The following OPHN1 variants were observed in gnomAD, a reference collection of about 807,000 sequenced individuals.
OPHN1 encodes the protein oligophrenin 1.
In OPHN1, 11 loss-of-function variants were observed where a neutral mutation model predicts 60.7. The observed-to-expected ratio is 0.18, with a 90% CI of 0.11 to 0.30. The LOEUF is 0.30. Among genes scored for constraint, OPHN1 ranks in the 10% least tolerant of loss-of-function variants. OPHN1 has a pLI of 1.00. For synonymous variants in OPHN1, 226 were observed against 222.6 expected, an observed-to-expected ratio of 1.02 and a Z score of -0.14; for missense variants, 449 against 611.0, an observed-to-expected ratio of 0.73 and a Z score of 2.80.
At chrX:68,117,635 GGA>G (rs1483270470) in intron 16 of OPHN1, among the ~76,000 whole-genome samples, 5 of 111,853 alleles carry the variant, frequency 4.5e-5, no homozygotes, top group Non-Finnish European at 9.4e-5. Flanking sequence ...TAAAAATAGG[GGA>G]GAGAGAAGGG....
At chrX:68,373,714 A>T (rs1324190456) in intron 2 of OPHN1, among the ~76,000 whole-genome samples, 1 of 112,046 alleles carries the variant, frequency 8.9e-6, no homozygotes, top group Non-Finnish European at 1.9e-5. Context: ...GAATACTAAT[A>T]ATAACTGTTT....
At position 68,271,062 on chromosome X, in the gene OPHN1, A is replaced by T. The variant is rs149414964; in HGVS notation, c.384+3676T>A. Among the ~76,000 whole-genome samples the T allele has an allele frequency of 3.2e-3, 361 of 111,758 alleles. 2 individuals carry two copies. Among genetic ancestry groups the T allele is most frequent in the African/African-American group, 0.011 (346 of 30,826 alleles). On this transcript the variant is annotated intron_variant, in intron 5 of 24. Coordinates refer to ENST00000355520, the MANE Select transcript of OPHN1 (RefSeq NM_002547.3). ...ATATAGCACCTATCACAACCAGTGA[A>T]CTCACAAAGCCAGCTAGCAGCAGTG...
At chrX:68,207,711 C>G (rs146093435) in intron 9 of OPHN1, among the ~76,000 whole-genome samples, 2,511 of 111,497 alleles carry the variant, frequency 0.023, 87 homozygotes, top group African/African-American at 0.078. Flanking sequence ...TCAAAACTTA[C>G]CTTTCTAGCT....
At chrX:68,157,940 CTTTTCTTTT>C (rs1038029331) in intron 15 of OPHN1, among the ~76,000 whole-genome samples, 7 of 111,931 alleles carry the variant, frequency 6.3e-5, no homozygotes, top group South Asian at 3.8e-4. Context: ...GTGCTATTTT[CTTTTCTTTT>C]TTTTCTTTTT....
At chrX:68,144,318 C>A (rs750893701) in intron 15 of OPHN1, among the ~76,000 whole-genome samples, 12 of 111,150 alleles carry the variant, frequency 1.1e-4, no homozygotes, top group African/African-American at 3.9e-4. Context: ...ACCACGATTT[C>A]CTTTTTAATC....
rs2078508718 is a variant in OPHN1 at position 68,368,119 on chromosome X, C to T, written c.154+64748G>A. On this transcript the variant is annotated intron_variant, in intron 2 of 24. Coordinates refer to ENST00000355520, the MANE Select transcript of OPHN1 (RefSeq NM_002547.3). ...AAAACACTGCACGCTGACCTAATAA[C>T]CCTCAGATGTCTGGGCCATATTATT... Among the ~76,000 whole-genome samples the T allele has an allele frequency of 2.7e-5, 3 of 111,704 alleles. No homozygotes were observed. The Admixed American group carries it at 2.9e-4, about 11-fold the overall frequency.
At chrX:68,212,065 C>T (rs191716537) in intron 8 of OPHN1, 43 bp downstream of exon 8, 61 of 962,852 alleles carry the variant, frequency 6.3e-5, no homozygotes, top group East Asian at 1.6e-4. Context: ...GAAATTCAAT[C>T]GGAATGGAAA....
Position 68,222,306 on chromosome X carries a change from T to C in OPHN1, c.487-8334A>G, listed in dbSNP as rs1198825783. 4.6e-3 allele frequency among the ~76,000 whole-genome samples: 494 copies of C among 107,693 alleles called. 2 individuals are homozygous for C. The highest frequency in any genetic ancestry group is 8.4e-3 in the Non-Finnish European group (435 of 51,929). 93.5% of individuals were successfully genotyped at this position (107,693 alleles called of 115,157 possible). A position where few individuals can be genotyped will look rare whatever the true frequency, so the allele number is the denominator to read the frequency against. On this transcript the variant is annotated intron_variant, in intron 6 of 24. Coordinates refer to ENST00000355520, the MANE Select transcript of OPHN1 (RefSeq NM_002547.3). ...AGGTGCTGGAGGGGATGTGGAGAAA[T>C]AGGAACACTTTTACACTGTTGGTGG...
At chrX:68,189,513 A>G (rs2077478754) in intron 15 of OPHN1, among the ~76,000 whole-genome samples, 1 of 106,638 alleles carries the variant, frequency 9.4e-6, no homozygotes, top group African/African-American at 3.4e-5. Flanking sequence ...ACCTCCCCCA[A>G]CCCCACAACA....
At chrX:68,263,193 GTTCC>G (rs1259507343) in intron 5 of OPHN1, among the ~76,000 whole-genome samples, 1 of 111,410 alleles carries the variant, frequency 9.0e-6, no homozygotes, top group Non-Finnish European at 1.9e-5. Flanking sequence ...GTGTTATTTT[GTTCC>G]TTCCTTCATT....
chrX:68,358,277 C>T (rs1277555314), intron 2 of OPHN1, among the ~76,000 whole-genome samples: 1 of 110,681 alleles, frequency 9.0e-6, no homozygotes, highest in African/African-American at 3.3e-5. Flanking sequence ...GTCGAGATTA[C>T]ACCACTGCAC....
Position 68,288,521 on chromosome X carries a change from G to A in OPHN1, c.251-5404C>T, listed in dbSNP as rs778800843. On this transcript the variant is annotated intron_variant, in intron 3 of 24. Coordinates refer to ENST00000355520, the MANE Select transcript of OPHN1 (RefSeq NM_002547.3). ...CTCACACCTGTAATCCCAGCACTTT[G>A]GGAGGCCAAGGAGGATGGATCACCT... 1.8e-3 allele frequency among the ~76,000 whole-genome samples: 196 copies of A among 111,847 alleles called. 1 individual carries two copies. The highest frequency in any genetic ancestry group is 4.6e-3 in the Middle Eastern group (1 of 217).
chrX:68,400,722 C>T (rs1028875307), intron 2 of OPHN1, among the ~76,000 whole-genome samples: 1 of 108,636 alleles, frequency 9.2e-6, no homozygotes, highest in Non-Finnish European at 1.9e-5. Context: ...CTGCCTCAGT[C>T]CCCTGAGTGG....
At chrX:68,271,364 G>C (rs1399851456) in intron 5 of OPHN1, among the ~76,000 whole-genome samples, 1 of 97,287 alleles carries the variant, frequency 1.0e-5, no homozygotes, top group East Asian at 3.3e-4. Context: ...TATCTCTACA[G>C]AAATTACAAA....
chrX:68,162,272 A>G (rs1161089010), intron 15 of OPHN1, among the ~76,000 whole-genome samples: 1 of 110,758 alleles, frequency 9.0e-6, no homozygotes, highest in African/African-American at 3.3e-5. Context: ...GGAGGCTTTC[A>G]AGCTATTGAA....
chrX:68,278,506 C>T (rs745542827), intron 4 of OPHN1, among the ~76,000 whole-genome samples: 2 of 112,970 alleles, frequency 1.8e-5, no homozygotes, highest in South Asian at 3.6e-4. Context: ...CAAAGTAACA[C>T]TGAAGGTGTT....
chrX:68,257,261 T>C lies in OPHN1; in HGVS notation c.384+17477A>G, dbSNP rs562712647. On this transcript the variant is annotated intron_variant, in intron 5 of 24. Transcript: ENST00000355520. ...CCAGAAACCCATTTGCTAATGCAAA[T>C]TAACAGTTAAGAATATGGAATTACT... Among the ~76,000 whole-genome samples, 4 of 112,482 alleles carry C rather than the reference T, an allele frequency of 3.6e-5. No homozygotes were observed. The South Asian group carries it at 1.5e-3, about 41-fold the overall frequency.
chrX:68,101,703 T>C (rs893202580), intron 18 of OPHN1, among the ~76,000 whole-genome samples: 1 of 112,266 alleles, frequency 8.9e-6, no homozygotes, highest in Admixed American at 9.4e-5. Flanking sequence ...CCTAGATGTA[T>C]TAAAGACATA....
At chrX:68,065,424 T>C (rs996369932) in intron 20 of OPHN1, among the ~76,000 whole-genome samples, 2 of 111,723 alleles carry the variant, frequency 1.8e-5, no homozygotes, top group Admixed American at 9.5e-5. Context: ...GATGAGTAGG[T>C]TGGGGGAACG....
Sources: gnomAD v4.1 joint callset for allele counts (sites outside exome capture counted in the v4.1 genomes callset) on GRCh38, gnomAD v4.1.1 for gene constraint, MANE v1.5 for transcripts, NCBI Gene and HGNC (gene_info 2026-07-23, HGNC 2026-07-21) for gene names.